The following GNAQ variants were observed in gnomAD, a reference collection of about 807,000 sequenced individuals.
The protein encoded by GNAQ is guanine nucleotide-binding protein G(q) subunit alpha.
Under a neutral mutation model 43.9 loss-of-function variants are expected in GNAQ, and 8 were observed. The ratio of observed to expected loss-of-function variants is 0.18; its 90% CI spans 0.11 to 0.33. The LOEUF is 0.33. Among genes scored for constraint, GNAQ ranks in the 10% least tolerant of loss-of-function variants. GNAQ has a pLI of 1.00. For missense variants in GNAQ, 158 were observed against 450.8 expected, an observed-to-expected ratio of 0.35 and a Z score of 5.88; for synonymous variants, 155 against 170.7, an observed-to-expected ratio of 0.91 and a Z score of 0.71.
intron 5 of GNAQ, among the ~76,000 whole-genome samples, chr9:77,762,216 T>C (rs1826047186): frequency 7.7e-6 from 1 of 129,260 alleles, no homozygotes; most frequent in East Asian, 2.7e-4. Context: ...GGAGCCCCTC[T>C]GCCCGGCCAG....
At chr9:77,787,957 G>A (rs1267656980) in intron 5 of GNAQ, among the ~76,000 whole-genome samples, 1 of 152,216 alleles carries the variant, frequency 6.6e-6, no homozygotes, top group African/African-American at 2.4e-5. Flanking sequence ...TCGAACCCGG[G>A]AGGCAGAGGC....
chr9:77,769,275 G>A (rs780212680), intron 5 of GNAQ, among the ~76,000 whole-genome samples: 3 of 151,986 alleles, frequency 2.0e-5, no homozygotes, highest in Non-Finnish European at 2.9e-5. Flanking sequence ...GGTGGCATGC[G>A]CCTGTAATCC....
intron 1 of GNAQ, among the ~76,000 whole-genome samples, chr9:78,023,528 T>C (rs753758083): frequency 8.6e-5 from 13 of 151,960 alleles, no homozygotes; most frequent in Non-Finnish European, 1.6e-4. Flanking sequence ...ACTGGGTAAA[T>C]CACAGAAGCA....
At chr9:77,781,485 G>T (rs1826392274) in intron 5 of GNAQ, among the ~76,000 whole-genome samples, 1 of 151,968 alleles carries the variant, frequency 6.6e-6, no homozygotes, top group African/African-American at 2.4e-5. Flanking sequence ...GAAGATAGAA[G>T]CAGAAGGAGG....
chr9:77,748,829 A>G (rs913867632), intron 5 of GNAQ, among the ~76,000 whole-genome samples: 13 of 152,202 alleles, frequency 8.5e-5, no homozygotes, highest in African/African-American at 3.1e-4. Context: ...TTGGCCCACA[A>G]GTGAGGTATG....
At position 77,754,422 on chromosome 9, in the gene GNAQ, T is replaced by C. The variant is rs549033167; in HGVS notation, c.736-25755A>G. On this transcript the variant is annotated intron_variant, in intron 5 of 6. Coordinates refer to ENST00000286548, the MANE Select transcript of GNAQ (RefSeq NM_002072.5). ...ATAAGTAGGTGTTTTATATGTATTATCTCATTTAACACTCATAACAAGTTC... is the reference window on the plus strand; with the variant it reads ...ATAAGTAGGTGTTTTATATGTATTACCTCATTTAACACTCATAACAAGTTC... Among the ~76,000 whole-genome samples, 9 of 152,330 alleles carry C rather than the reference T, an allele frequency of 5.9e-5. No individual in the cohort carries two copies. The East Asian group carries it at 1.7e-3, about 29-fold the overall frequency.
intron 2 of GNAQ, among the ~76,000 whole-genome samples, chr9:77,884,446 A>C (rs1176731818): frequency 6.6e-6 from 1 of 152,236 alleles, no homozygotes; most frequent in African/African-American, 2.4e-5. Context: ...TCAAGCGGGA[A>C]AAAATTTTAA....
chr9:77,895,995 G>A (rs954488079), intron 2 of GNAQ, among the ~76,000 whole-genome samples: 2 of 152,042 alleles, frequency 1.3e-5, no homozygotes, highest in Admixed American at 1.3e-4. Flanking sequence ...CCAGTCTCGG[G>A]TATGTCTTTA....
intron 5 of GNAQ, among the ~76,000 whole-genome samples, chr9:77,767,641 A>C (rs1826157812): frequency 6.6e-6 from 1 of 152,244 alleles, no homozygotes; most frequent in African/African-American, 2.4e-5. Context: ...ATAAAATGGG[A>C]TGAGACTATT....
chr9:77,733,582 C>T lies in GNAQ; in HGVS notation c.736-4915G>A, dbSNP rs138180873. On this transcript the variant is annotated intron_variant, in intron 5 of 6. Coordinates refer to ENST00000286548, the MANE Select transcript of GNAQ (RefSeq NM_002072.5). Reference sequence around the variant, plus strand: ...CCAACTTCCCCAAGCAGTTCTTTCCCAAGCCCCATTGGACTTGCTCCTTCC... The same window carrying T: ...CCAACTTCCCCAAGCAGTTCTTTCCTAAGCCCCATTGGACTTGCTCCTTCC... Among the ~76,000 whole-genome samples the T allele has an allele frequency of 2.8e-3, 419 of 152,292 alleles. 5 individuals are homozygous for T. The highest frequency in any genetic ancestry group is 8.7e-3 in the African/African-American group (361 of 41,562).
chr9:78,010,328 C>T (rs1823758555), intron 1 of GNAQ, among the ~76,000 whole-genome samples: 1 of 152,068 alleles, frequency 6.6e-6, no homozygotes, highest in South Asian at 2.1e-4. Flanking sequence ...CTCCGTGTTC[C>T]CCAGGAATAG....
intron 2 of GNAQ, among the ~76,000 whole-genome samples, chr9:77,857,595 T>G (rs367772978): frequency 2.1e-4 from 22 of 107,002 alleles, no homozygotes; most frequent in Admixed American, 3.9e-4. Flanking sequence ...AAGAGAAGGG[T>G]AGGGAAGGAA....
At chr9:77,956,758 A>C (rs1823045548) in intron 1 of GNAQ, among the ~76,000 whole-genome samples, 1 of 152,216 alleles carries the variant, frequency 6.6e-6, no homozygotes, top group Non-Finnish European at 1.5e-5. Context: ...CTGCATATGC[A>C]ATATGTACTC....
intron 2 of GNAQ, among the ~76,000 whole-genome samples, chr9:77,843,502 G>A (rs1056626112): frequency 4.6e-5 from 7 of 152,164 alleles, no homozygotes; most frequent in African/African-American, 1.4e-4. Context: ...TGTTTATGGA[G>A]GGCATGCCAG....
intron 5 of GNAQ, 114 bp downstream of exon 5, chr9:77,794,349 A>C (rs1333944027): frequency 1.4e-6 from 1 of 691,274 alleles, no homozygotes; most frequent in East Asian, 2.9e-5. Flanking sequence ...CCTAAAATCA[A>C]ATTTCAAGAA....
At chr9:77,996,111 C>G (rs1330741225) in intron 1 of GNAQ, among the ~76,000 whole-genome samples, 1 of 152,158 alleles carries the variant, frequency 6.6e-6, no homozygotes, top group African/African-American at 2.4e-5. Context: ...GCAGAGTACA[C>G]AGGGCTTGGG....
chr9:77,859,369 A>G (rs1827808828), intron 2 of GNAQ, among the ~76,000 whole-genome samples: 1 of 152,244 alleles, frequency 6.6e-6, no homozygotes, highest in African/African-American at 2.4e-5. Flanking sequence ...AGAAGGAGAT[A>G]GATGTGAAAT....
chr9:77,894,363 T>TA (rs1264092597), intron 2 of GNAQ, among the ~76,000 whole-genome samples: 32,618 of 107,542 alleles, frequency 0.3, 15,498 homozygotes, highest in South Asian at 0.43. Context: ...AGAAAATATA[T>TA]ATATTATATA....
intron 2 of GNAQ, among the ~76,000 whole-genome samples, chr9:77,841,454 C>T (rs1234327804): frequency 3.3e-5 from 5 of 152,158 alleles, no homozygotes; most frequent in Non-Finnish European, 5.9e-5. Flanking sequence ...ATGGAACAAT[C>T]AGTATTCGGC....
Sources: gnomAD v4.1 joint callset for allele counts (sites outside exome capture counted in the v4.1 genomes callset) on GRCh38, gnomAD v4.1.1 for gene constraint, MANE v1.5 for transcripts, NCBI Gene and HGNC (gene_info 2026-07-23, HGNC 2026-07-21) for gene names.